FAM81B: variants seen among roughly 807,000 people sequenced by gnomAD.
FAM81B encodes family with sequence similarity 81 member B, also known as protein FAM81B.
In FAM81B, 60 loss-of-function variants were observed where a neutral mutation model predicts 58.7. The observed-to-expected ratio is 1.02, with a 90% CI of 0.83 to 1.27. FAM81B has a LOEUF of 1.27. FAM81B is among the 50% of genes most tolerant of loss of function. FAM81B has a pLI of 0.00. For missense variants in FAM81B, 491 were observed against 522.0 expected (o/e 0.94, Z 0.58); for synonymous variants, 189 against 179.6 (o/e 1.05, Z -0.42).
intron 4 of FAM81B, among the ~76,000 whole-genome samples, chr5:95,418,140 C>T (rs532051298): frequency 6.6e-6 from 1 of 152,236 alleles, no homozygotes; most frequent in African/African-American, 2.4e-5. Context: ...TTCATCCCAC[C>T]CATGGTGTGA....
intron 2 of FAM81B, 73 bp from the exon 3 acceptor site, chr5:95,396,038 T>G (rs1761956220): frequency 8.1e-7 from 1 of 1,228,054 alleles, no homozygotes; most frequent in Non-Finnish European, 1.2e-6. Context: ...TAAAACTCTT[T>G]AAAGATAAAC....
chr5:95,398,436 AAATAAATAAAT>A (rs1762018880), intron 3 of FAM81B, among the ~76,000 whole-genome samples: 1 of 129,716 alleles, frequency 7.7e-6, no homozygotes, highest in Admixed American at 8.3e-5. Context: ...ATAAATAAAT[AAATAAATAAAT>A]AAATAAAAAA....
At chr5:95,417,083 A>G (rs1257402239) in intron 4 of FAM81B, among the ~76,000 whole-genome samples, 1 of 152,178 alleles carries the variant, frequency 6.6e-6, no homozygotes, top group Non-Finnish European at 1.5e-5. Flanking sequence ...GTGCATAAAT[A>G]TGTATCTGCG....
chr5:95,428,698 C>T lies in FAM81B; in HGVS notation c.752C>T (p.Ala251Val), dbSNP rs536458755. Reference protein sequence around the residue: ...IEKAIQEFVPALETLSKNLDM... With the variant: ...IEKAIQEFVPVLETLSKNLDM... ...AAAGCCATTCAAGAATTCGTGCCCG[C>T]CCTGGAAACTCTTTCCAAGAACTTG... is the stretch of plus-strand genomic sequence containing the variant. Residue 251 changes from alanine to valine, a missense_variant, in exon 6 of 10, where the codon GCC becomes GTC. Coordinates refer to ENST00000283357, the MANE Select transcript of FAM81B (RefSeq NM_152548.3). The T allele has an allele frequency of 1.4e-5, 22 of 1,613,846 alleles. No homozygotes were observed. Among genetic ancestry groups the T allele is most frequent in the Non-Finnish European group, 1.7e-5 (20 of 1,179,864 alleles).
In FAM81B at chr5:95,418,475, A is replaced by G. The variant is rs1373645556; in HGVS notation, c.538-1809A>G. Among the ~76,000 whole-genome samples, 5 of 152,348 alleles carry G rather than the reference A, an allele frequency of 3.3e-5. No individual in the cohort carries two copies. In the East Asian group the frequency reaches 9.6e-4, roughly 29 times the overall value. Reference sequence around the variant, plus strand: ...TATCCATGAAATTGTGACAAAGGAAAAATAAATTCATGCTAGTTTTGCTGT... The same window carrying G: ...TATCCATGAAATTGTGACAAAGGAAGAATAAATTCATGCTAGTTTTGCTGT... On this transcript the variant is annotated intron_variant, in intron 4 of 9. Transcript: ENST00000283357.
chr5:95,444,473 T>G (rs1745479241), intron 7 of FAM81B, among the ~76,000 whole-genome samples: 1 of 152,194 alleles, frequency 6.6e-6, no homozygotes, highest in Non-Finnish European at 1.5e-5. Context: ...CCAATGGATA[T>G]TCTGAGGAAG....
At chr5:95,418,797 G>C (rs983933042) in intron 4 of FAM81B, among the ~76,000 whole-genome samples, 3 of 151,924 alleles carry the variant, frequency 2.0e-5, no homozygotes, top group Admixed American at 2.0e-4. Flanking sequence ...GACTTTTATG[G>C]CTTAATTTAA....
intron 9 of FAM81B, chr5:95,448,851 T>C: frequency 2.4e-6 from 1 of 409,254 alleles, no homozygotes; most frequent in South Asian, 1.8e-5. Flanking sequence ...GAACTACAAG[T>C]AATGAGCTTG....
chr5:95,392,417 G>A (rs887585981), intron 1 of FAM81B, among the ~76,000 whole-genome samples: 4 of 152,048 alleles, frequency 2.6e-5, no homozygotes, highest in Non-Finnish European at 5.9e-5. Context: ...TGGGCTGATG[G>A]GTGCAGCAAA....
intron 1 of FAM81B, among the ~76,000 whole-genome samples, chr5:95,392,440 G>A (rs1761850135): frequency 6.6e-6 from 1 of 152,066 alleles, no homozygotes; most frequent in Non-Finnish European, 1.5e-5. Context: ...ACCATGGCAC[G>A]TGTATACCTA....
chr5:95,439,707 TA>T (rs200625304), intron 7 of FAM81B, among the ~76,000 whole-genome samples: 1 of 151,890 alleles, frequency 6.6e-6, no homozygotes, highest in African/African-American at 2.4e-5. Context: ...TCCACTACTT[TA>T]AAAAAAAGTA....
At chr5:95,430,402 GTAAA>G (rs1016529014) in intron 6 of FAM81B, among the ~76,000 whole-genome samples, 68 of 147,402 alleles carry the variant, frequency 4.6e-4, no homozygotes, top group African/African-American at 1.6e-3. Flanking sequence ...TATAGTATAT[GTAAA>G]TAAATAGTAT....
At chr5:95,407,821 T>G (rs1387303996) in intron 3 of FAM81B, among the ~76,000 whole-genome samples, 1 of 152,250 alleles carries the variant, frequency 6.6e-6, no homozygotes, top group Non-Finnish European at 1.5e-5. Flanking sequence ...CAGACCTTCC[T>G]CATTTTTTCA....
At chr5:95,435,404 T>G (rs1745060161) in intron 6 of FAM81B, among the ~76,000 whole-genome samples, 1 of 152,176 alleles carries the variant, frequency 6.6e-6, no homozygotes, top group Non-Finnish European at 1.5e-5. Context: ...TAATTTGAGA[T>G]TTTCTTAATG....
intron 3 of FAM81B, among the ~76,000 whole-genome samples, chr5:95,404,074 G>A (rs6860735): frequency 0.26 from 40,136 of 151,990 alleles, 5,484 homozygotes; most frequent in Middle Eastern, 0.29. Flanking sequence ...ACTGAAAACC[G>A]GGAGACCAAA....
chr5:95,446,816 T>C (rs1745585513), intron 8 of FAM81B, 119 bp downstream of exon 8: 9 of 1,347,768 alleles, frequency 6.7e-6, no homozygotes, highest in African/African-American at 1.5e-5. Context: ...CAGTAACTTT[T>C]TTTTTTTTAA....
At chr5:95,405,231 T>C (rs1229563438) in intron 3 of FAM81B, among the ~76,000 whole-genome samples, 1 of 152,210 alleles carries the variant, frequency 6.6e-6, no homozygotes, top group Non-Finnish European at 1.5e-5. Flanking sequence ...CTGCTTATTG[T>C]TGGAATGATG....
chr5:95,426,092 G>GTATATATATATATA (rs201172690), intron 5 of FAM81B, among the ~76,000 whole-genome samples: 15 of 84,902 alleles, frequency 1.8e-4, no homozygotes, highest in African/African-American at 6.4e-4. Flanking sequence ...CTATCTCTGT[G>GTATATATATATATA]TGTATATATA....
Position 95,450,138 on chromosome 5 carries a change from C to G in FAM81B, c.1226-11C>G. 1 of 1,600,190 alleles carries G rather than the reference C, an allele frequency of 6.2e-7. No individual in the cohort carries two copies. Among genetic ancestry groups the G allele is most frequent in the Non-Finnish European group, 8.5e-7 (1 of 1,176,260 alleles). ...TTGTTTAAGTGTACCTATTCTTTTA[C>G]CCTCTTACAGGATTTAAATCAATTC... On this transcript the variant is annotated splice_polypyrimidine_tract_variant and intron_variant, in intron 9 of 9. Transcript: ENST00000283357.
Sources: gnomAD v4.1 joint callset for allele counts (sites outside exome capture counted in the v4.1 genomes callset) on GRCh38, gnomAD v4.1.1 for gene constraint, MANE v1.5 for transcripts, NCBI Gene and HGNC (gene_info 2026-07-23, HGNC 2026-07-21) for gene names.